CTNND2: variants seen among roughly 807,000 people sequenced by gnomAD.
CTNND2 encodes the protein catenin delta-2.
Under a neutral mutation model 144.4 loss-of-function variants are expected in CTNND2, and 22 were observed. The observed-to-expected ratio is 0.15, with a 90% CI of 0.11 to 0.22. CTNND2 has a LOEUF of 0.22. CTNND2 is among the 10% of genes least tolerant of loss of function. The probability of loss-of-function intolerance (pLI) is 1.00; values close to 1 mark genes in which losing one functional copy is unlikely to be tolerated. For missense variants in CTNND2, 1,353 were observed against 1,618.8 expected (o/e 0.84, Z 2.82); for synonymous variants, 751 against 695.6 (o/e 1.08, Z -1.25).
intron 16 of CTNND2, among the ~76,000 whole-genome samples, chr5:11,062,912 G>C (rs1747159178): frequency 1.3e-5 from 2 of 152,154 alleles, no homozygotes; most frequent in South Asian, 4.1e-4. Flanking sequence ...TGAAGCCAAG[G>C]GTATTGCTTA....
At chr5:11,719,902 G>A (rs1305405026) in intron 2 of CTNND2, among the ~76,000 whole-genome samples, 2 of 147,870 alleles carry the variant, frequency 1.4e-5, no homozygotes, top group South Asian at 2.2e-4. Flanking sequence ...AACTTTTTTC[G>A]TACCCTAGTA....
chr5:11,425,336 G>T (rs1762690463), intron 3 of CTNND2, among the ~76,000 whole-genome samples: 1 of 152,116 alleles, frequency 6.6e-6, no homozygotes. Context: ...GCCTGGAAAG[G>T]GGTCTCCTTG....
rs542473902 is a variant in CTNND2 at position 11,731,512 on chromosome 5, G to C, written c.174+624C>G. ...TAACTAAAAGAATCTTGATCGTCCA[G>C]CTCTCTTTATTTACTACTTTTTTAT... On this transcript the variant is annotated intron_variant, in intron 2 of 21. Transcript: ENST00000304623. Among the ~76,000 whole-genome samples the C allele has an allele frequency of 8.5e-4, 129 of 152,170 alleles. No homozygotes were observed. In the Middle Eastern group the frequency reaches 0.01, roughly 12 times the overall value.
intron 2 of CTNND2, among the ~76,000 whole-genome samples, chr5:11,671,772 A>T (rs1404901193): frequency 6.6e-6 from 1 of 151,930 alleles, no homozygotes; most frequent in East Asian, 2.0e-4. Context: ...TCTGAAGCCT[A>T]CTTCTGTCAG....
At chr5:11,578,586 G>A (rs954309324) in intron 2 of CTNND2, among the ~76,000 whole-genome samples, 24 of 152,066 alleles carry the variant, frequency 1.6e-4, no homozygotes, top group Non-Finnish European at 2.5e-4. Flanking sequence ...GCTTGAACTC[G>A]GGAGGCAGAG....
intron 11 of CTNND2, among the ~76,000 whole-genome samples, chr5:11,182,248 C>T (rs970224324): frequency 4.0e-5 from 6 of 149,852 alleles, no homozygotes; most frequent in Admixed American, 6.6e-5. Context: ...GTGGTGTGTA[C>T]GTGTGTAGTG....
intron 1 of CTNND2, among the ~76,000 whole-genome samples, chr5:11,801,861 A>G (rs867926287): frequency 2.3e-4 from 35 of 152,324 alleles, no homozygotes; most frequent in South Asian, 1.0e-3. Context: ...AAGCAATTGC[A>G]TTCTTGATCC....
intron 3 of CTNND2, among the ~76,000 whole-genome samples, chr5:11,463,495 T>G (rs1262735456): frequency 6.6e-6 from 1 of 152,182 alleles, no homozygotes; most frequent in East Asian, 1.9e-4. Context: ...ATGTGGTCAT[T>G]AACCAGGACC....
chr5:11,358,151 G>T (rs1320424815), intron 8 of CTNND2, among the ~76,000 whole-genome samples: 5 of 152,072 alleles, frequency 3.3e-5, no homozygotes, highest in Admixed American at 3.3e-4. Context: ...CCAGGTCAAG[G>T]CCAGCTGTGT....
chr5:11,732,648 T>C (rs1286211747), intron 1 of CTNND2, among the ~76,000 whole-genome samples: 4 of 152,186 alleles, frequency 2.6e-5, no homozygotes, highest in Non-Finnish European at 5.9e-5. Context: ...TAGGTAAATT[T>C]ATTACCTGCC....
chr5:11,320,818 A>T (rs1348550752), intron 9 of CTNND2, among the ~76,000 whole-genome samples: 4 of 152,198 alleles, frequency 2.6e-5, no homozygotes, highest in African/African-American at 4.8e-5. Context: ...AGGTGGGGAC[A>T]CAAAGCCAAA....
intron 12 of CTNND2, among the ~76,000 whole-genome samples, chr5:11,145,754 G>C (rs12516033): frequency 6.6e-6 from 1 of 151,780 alleles, no homozygotes; most frequent in Non-Finnish European, 1.5e-5. Context: ...ATGGTTCCAC[G>C]CAGTCTACGA....
At chr5:11,880,257 A>G (rs1735932034) in intron 1 of CTNND2, among the ~76,000 whole-genome samples, 2 of 152,152 alleles carry the variant, frequency 1.3e-5, no homozygotes, top group South Asian at 4.1e-4. Context: ...CCAAGTTAGG[A>G]AATGATTACT....
intron 2 of CTNND2, among the ~76,000 whole-genome samples, chr5:11,643,002 T>A (rs1401044967): frequency 1.3e-5 from 2 of 152,136 alleles, no homozygotes; most frequent in African/African-American, 2.4e-5. Context: ...GTGTCTCCAA[T>A]CCCTGTGTCA....
At chr5:11,479,309 T>A (rs539719270) in intron 3 of CTNND2, among the ~76,000 whole-genome samples, 4 of 152,340 alleles carry the variant, frequency 2.6e-5, no homozygotes, top group East Asian at 1.9e-4. Flanking sequence ...TCCATCCATG[T>A]TCTGGCACAG....
chr5:11,881,472 A>G (rs1736106879), intron 1 of CTNND2, among the ~76,000 whole-genome samples: 1 of 151,476 alleles, frequency 6.6e-6, no homozygotes, highest in South Asian at 2.1e-4. Flanking sequence ...CCACTATTCT[A>G]CTCTCTACTT....
chr5:11,145,588 G>C (rs1757162828), intron 12 of CTNND2, among the ~76,000 whole-genome samples: 1 of 152,084 alleles, frequency 6.6e-6, no homozygotes, highest in Admixed American at 6.5e-5. Context: ...TCTGCAAATG[G>C]GGCCAGTGCT....
Position 11,364,857 on chromosome 5 carries a change from C to T in CTNND2, c.1211G>A (p.Gly404Glu). ...GSRASYSSQH[G>E]HLGPELRALQ... ...GGCCCGCAACTCTGGGCCCAGGTGCCCATGCTGGCTGCTGTATGAGGCTCG... is the reference window on the plus strand; with the variant it reads ...GGCCCGCAACTCTGGGCCCAGGTGCTCATGCTGGCTGCTGTATGAGGCTCG... The change falls in exon 8 of 22, where the codon GGG becomes GAG. Residue 404 changes from glycine (G) to glutamate (E), a missense_variant. Around this residue, in one of 4 missense-constraint regions of CTNND2, gnomAD observed 708 missense variants for 706.4 expected, o/e 1.00. Transcript: ENST00000304623. 6.2e-7 allele frequency: 1 copy of T among 1,612,880 alleles called. No homozygotes were observed. The highest frequency in any genetic ancestry group is 1.1e-5 in the South Asian group (1 of 90,938).
chr5:11,736,880 T>G (rs1445624713), intron 1 of CTNND2, among the ~76,000 whole-genome samples: 3 of 152,172 alleles, frequency 2.0e-5, no homozygotes. Context: ...TTTTACATAA[T>G]AAGGTACTAA....
Sources: allele counts gnomAD v4.1 joint callset (sites outside exome capture counted in the v4.1 genomes callset), GRCh38; gene constraint gnomAD v4.1.1; regional missense constraint gnomAD v4.1.1; transcripts MANE v1.5; gene names NCBI Gene and HGNC (gene_info 2026-07-23, HGNC 2026-07-21).